The following MEGF11 variants were observed in gnomAD, a reference collection of about 807,000 sequenced individuals.
MEGF11 encodes multiple epidermal growth factor-like domains protein 11.
In MEGF11, 126 loss-of-function variants were observed where a neutral mutation model predicts 146.6. That is an observed-to-expected ratio of 0.86 (90% CI 0.74 to 1.00). The LOEUF (loss-of-function observed/expected upper bound fraction) is 1.00, where lower values mean the gene tolerates loss of function less well. Ranked by LOEUF, MEGF11 falls within the 50% of genes least tolerant of loss-of-function variation. The probability of loss-of-function intolerance (pLI) is 0.00; values close to 1 mark genes in which losing one functional copy is unlikely to be tolerated. For missense variants in MEGF11, 1,509 were observed against 1,521.2 expected, an observed-to-expected ratio of 0.99 and a Z score of 0.13; for synonymous variants, 532 against 583.4, an observed-to-expected ratio of 0.91 and a Z score of 1.27.
At chr15:66,141,993 C>T (rs2089188038) in intron 1 of MEGF11, among the ~76,000 whole-genome samples, 1 of 152,024 alleles carries the variant, frequency 6.6e-6, no homozygotes, top group Non-Finnish European at 1.5e-5. Context: ...CAATAACTGG[C>T]AAGAGATCTG....
chr15:66,113,510 T>A (rs1227889970), intron 4 of MEGF11, among the ~76,000 whole-genome samples: 1 of 150,864 alleles, frequency 6.6e-6, no homozygotes, highest in African/African-American at 2.4e-5. Flanking sequence ...CCCGCTGCAG[T>A]GAGGCATGCT....
intron 2 of MEGF11, 40 bp downstream of exon 2, chr15:66,128,266 C>T (rs767643303): frequency 7.5e-7 from 1 of 1,337,522 alleles, no homozygotes; most frequent in Non-Finnish European, 9.9e-7. Flanking sequence ...CCAGGGCGAT[C>T]CCCCAGAGAG....
intron 4 of MEGF11, among the ~76,000 whole-genome samples, chr15:66,110,639 G>A (rs2087346389): frequency 6.6e-6 from 1 of 152,192 alleles, no homozygotes; most frequent in African/African-American, 2.4e-5. Flanking sequence ...GATGGATGTT[G>A]TTCTTCTAGG....
chr15:66,189,407 T>G (rs1017245907), intron 1 of MEGF11, among the ~76,000 whole-genome samples: 3 of 152,168 alleles, frequency 2.0e-5, no homozygotes, highest in Non-Finnish European at 4.4e-5. Context: ...CTCATTTTCT[T>G]TAATCCTCAT....
At chr15:65,924,687 G>T (rs2079306852) in intron 13 of MEGF11, among the ~76,000 whole-genome samples, 1 of 147,708 alleles carries the variant, frequency 6.8e-6, no homozygotes, top group African/African-American at 2.5e-5. Flanking sequence ...GGAGTGCAGT[G>T]GTGTGATCTT....
Position 66,001,901 on chromosome 15 carries a change from A to G in MEGF11, c.395-19413T>C, listed in dbSNP as rs1305372205. Among the ~76,000 whole-genome samples, 4 of 152,258 alleles carry G rather than the reference A, an allele frequency of 2.6e-5. No individual in the cohort carries two copies. The East Asian group carries it at 5.8e-4, about 22-fold the overall frequency. On this transcript the variant is annotated intron_variant, in intron 5 of 25. Transcript: ENST00000395614. ...GGAGCAGAATAAACTCAGGTGCACA[A>G]TCAAAAGGCCTTTGAGCCTGGCTGA...
intron 5 of MEGF11, among the ~76,000 whole-genome samples, chr15:66,015,022 C>T (rs866419984): frequency 1.3e-5 from 2 of 152,144 alleles, no homozygotes; most frequent in Admixed American, 6.5e-5. Context: ...GTAAATCGTC[C>T]CACCATGATT....
intron 3 of MEGF11, among the ~76,000 whole-genome samples, chr15:66,119,669 A>AG (rs2087921109): frequency 2.0e-5 from 3 of 152,020 alleles, no homozygotes; most frequent in Non-Finnish European, 2.9e-5. Context: ...AGTCAGCAAA[A>AG]GGACCCTTTG....
At chr15:66,149,088 G>A (rs112056776) in intron 1 of MEGF11, among the ~76,000 whole-genome samples, 193 of 152,322 alleles carry the variant, frequency 1.3e-3, no homozygotes, top group African/African-American at 4.4e-3. Flanking sequence ...CCTCCTGCTC[G>A]CCCTTTGCCC....
intron 21 of MEGF11, among the ~76,000 whole-genome samples, chr15:65,911,009 G>A (rs1049344957): frequency 6.6e-6 from 1 of 152,182 alleles, no homozygotes; most frequent in Non-Finnish European, 1.5e-5. Context: ...TGCCTGGTAT[G>A]GGTCCGGGCA....
chr15:65,969,373 G>A (rs2081225812), intron 8 of MEGF11, among the ~76,000 whole-genome samples: 1 of 152,142 alleles, frequency 6.6e-6, no homozygotes, highest in Non-Finnish European at 1.5e-5. Context: ...GAGATGGTGA[G>A]GATGGGAACA....
At chr15:66,053,427 G>T (rs1388877054) in intron 5 of MEGF11, among the ~76,000 whole-genome samples, 3 of 152,178 alleles carry the variant, frequency 2.0e-5, no homozygotes, top group Admixed American at 2.0e-4. Context: ...GCAGGGTCAA[G>T]TGGCTCAGAT....
At chr15:66,082,848 G>C (rs940428462) in intron 5 of MEGF11, among the ~76,000 whole-genome samples, 3 of 151,846 alleles carry the variant, frequency 2.0e-5, no homozygotes, top group African/African-American at 7.3e-5. Flanking sequence ...CCCTTGCTGG[G>C]AGGAGCCCTA....
At chr15:66,031,526 C>A (rs1413197544) in intron 5 of MEGF11, among the ~76,000 whole-genome samples, 9 of 152,190 alleles carry the variant, frequency 5.9e-5, no homozygotes, top group Admixed American at 5.9e-4. Flanking sequence ...ATTTCCCACT[C>A]CAAGTGAAGT....
At position 65,980,847 on chromosome 15, in the gene MEGF11, G is replaced by T; in HGVS notation, c.693C>A (p.Arg231=). ...AGGTGCCCCCATTCTGACAGGGGCA[G>T]CGCAGCTCACAGTGAGCTCCATGGC... ...PGSHGAHCEL[R]CPCQNGGTCH... The change falls in exon 7 of 26, where the codon CGC becomes CGA. Residue 231 remains arginine (R), a synonymous_variant. Transcript: ENST00000395614. 1 of 1,598,504 alleles carries T rather than the reference G, an allele frequency of 6.3e-7. No individual in the cohort carries two copies. Among genetic ancestry groups the T allele is most frequent in the Non-Finnish European group, 8.5e-7 (1 of 1,173,224 alleles).
intron 5 of MEGF11, among the ~76,000 whole-genome samples, chr15:66,073,319 A>C (rs1045518912): frequency 1.3e-5 from 2 of 152,066 alleles, no homozygotes; most frequent in Admixed American, 1.3e-4. Context: ...TGGGCGGTGG[A>C]AGTGGCTGTC....
Position 65,916,896 on chromosome 15 carries a change from G to A in MEGF11, c.2147C>T (p.Ala716Val), listed in dbSNP as rs373679622. The change falls in exon 17 of 26, where the codon GCG becomes GTG. Residue 716 changes from alanine to valine, a missense_variant. Physicochemically the swap from Ala to Val is moderately conservative, Grantham distance 64. Coordinates refer to ENST00000395614, the MANE Select transcript of MEGF11 (RefSeq NM_001385028.1). ...GGCCCCGTCCTCGGCGCTGCAGCTC[G>A]CCCCGTTGTGGCAGCTGCATGCGTG... ...CFHACSCHNG[A>V]SCSAEDGACH... 1.7e-5 allele frequency: 27 copies of A among 1,582,044 alleles called. No homozygotes were observed. The African/African-American group carries it at 1.9e-4, about 11-fold the overall frequency.
In MEGF11 at chr15:66,053,402, G is replaced by C. The variant is rs73483407; in HGVS notation, c.394+41000C>G. ...TAACCTGCTTTAGATTTCTCATGCTGTTAGTAACAACATGGCAGGGTCAAG... is the reference window on the plus strand; with the variant it reads ...TAACCTGCTTTAGATTTCTCATGCTCTTAGTAACAACATGGCAGGGTCAAG... On this transcript the variant is annotated intron_variant, in intron 5 of 25. Coordinates refer to ENST00000395614, the MANE Select transcript of MEGF11 (RefSeq NM_001385028.1). 7.2e-3 allele frequency among the ~76,000 whole-genome samples: 1,091 copies of C among 152,248 alleles called. 14 individuals carry two copies. The highest frequency in any genetic ancestry group is 0.025 in the African/African-American group (1,031 of 41,530).
intron 5 of MEGF11, among the ~76,000 whole-genome samples, chr15:66,018,081 T>C (rs2082958355): frequency 6.6e-6 from 1 of 152,090 alleles, no homozygotes; most frequent in Non-Finnish European, 1.5e-5. Context: ...AACATGTGTG[T>C]GATGGGGCAG....
Sources: gnomAD v4.1 joint callset for allele counts (sites outside exome capture counted in the v4.1 genomes callset) on GRCh38, gnomAD v4.1.1 for gene constraint, MANE v1.5 for transcripts, NCBI Gene and HGNC (gene_info 2026-07-23, HGNC 2026-07-21) for gene names.